SLC22A9: variants seen among roughly 807,000 people sequenced by gnomAD.
SLC22A9 encodes the protein organic anion transporter 7.
In SLC22A9, 64 loss-of-function variants were observed where a neutral mutation model predicts 50.1. The observed-to-expected ratio is 1.28, with a 90% confidence interval of 1.04 to 1.57. The LOEUF (loss-of-function observed/expected upper bound fraction) is 1.57. Ranked by LOEUF, SLC22A9 falls within the 40% of genes most tolerant of loss-of-function variation. The pLI, the probability that SLC22A9 is intolerant of heterozygous loss-of-function variation, is 0.00. For synonymous variants in SLC22A9, 261 were observed against 242.5 expected, an observed-to-expected ratio of 1.08 and a Z score of -0.71; for missense variants, 757 against 676.1, an observed-to-expected ratio of 1.12 and a Z score of -1.33.
intron 5 of SLC22A9, 96 bp downstream of exon 5, chr11:63,375,864 G>T: frequency 6.8e-7 from 1 of 1,475,218 alleles, no homozygotes; most frequent in Non-Finnish European, 9.1e-7. Flanking sequence ...AAAAAGGAAA[G>T]AAACACAGGT....
Position 63,396,218 on chromosome 11 carries a change from A to G in SLC22A9, c.1074-10279A>G, listed in dbSNP as rs144780436. The stretch of plus-strand genomic sequence containing the variant: ...TCGCACTCTCTCCCAAGTTCTGGCC[A>G]GGAGGCTTCACATCCAGTTCAAATT... On this transcript the variant is annotated intron_variant, in intron 6 of 9. Coordinates refer to ENST00000279178, the MANE Select transcript of SLC22A9 (RefSeq NM_080866.3). Among the ~76,000 whole-genome samples, 725 of 152,314 alleles carry G rather than the reference A, an allele frequency of 4.8e-3. 3 individuals are homozygous for G. The highest frequency in any genetic ancestry group is 0.014 in the Middle Eastern group (4 of 294).
rs796979818 is a variant in SLC22A9 at position 63,404,421 on chromosome 11, T to C, written c.1074-2076T>C. Among the ~76,000 whole-genome samples, 4 of 152,204 alleles carry C rather than the reference T, an allele frequency of 2.6e-5. No individual in the cohort carries two copies. In the South Asian group the frequency reaches 8.3e-4, roughly 31 times the overall value. On this transcript the variant is annotated intron_variant, in intron 6 of 9. Transcript: ENST00000279178. ...AACATTATGCTTACAGTAAATACTG[T>C]ACTGTATCTAAAAATTTGTTAAGTA...
chr11:63,407,960 A>G (rs2015068275), intron 7 of SLC22A9, 152 bp from the exon 8 acceptor site: 3 of 562,458 alleles, frequency 5.3e-6, no homozygotes, highest in Admixed American at 3.0e-5. Flanking sequence ...CTCAGCTATC[A>G]GCCACTGCAC....
Position 63,370,093 on chromosome 11 carries a change from C to T in SLC22A9, c.37C>T (p.Leu13=), listed in dbSNP as rs201460670. The T allele has an allele frequency of 6.2e-7, 1 of 1,613,746 alleles. No individual in the cohort carries two copies. The highest frequency in any genetic ancestry group is 1.3e-5 in the African/African-American group (1 of 75,034). Residue 13 remains leucine, a synonymous_variant, in exon 1 of 10, where the codon CTG becomes TTG. Transcript: ENST00000279178. ...FQDLLGHAGD[L]WRFQILQTVF... The stretch of plus-strand genomic sequence containing the variant: ...GGACCTCCTGGGTCACGCTGGTGAC[C>T]TGTGGAGATTCCAGATCCTTCAGAC...
At chr11:63,373,123 C>CTT (rs745704793) in intron 2 of SLC22A9, among the ~76,000 whole-genome samples, 25 of 131,800 alleles carry the variant, frequency 1.9e-4, no homozygotes, top group South Asian at 2.4e-4. Context: ...CTTTTTTTTC[C>CTT]TTTTTTTTTT....
intron 6 of SLC22A9, among the ~76,000 whole-genome samples, chr11:63,401,154 GC>G: frequency 6.6e-6 from 1 of 151,918 alleles, no homozygotes; most frequent in Non-Finnish European, 1.5e-5. Flanking sequence ...CCTACCCAGA[GC>G]AACTAGGCAA....
chr11:63,380,689 C>A (rs771956007), intron 5 of SLC22A9, among the ~76,000 whole-genome samples: 16 of 151,994 alleles, frequency 1.1e-4, no homozygotes, highest in Non-Finnish European at 2.1e-4. Context: ...GACACCAGAG[C>A]CTACTTGGGG....
intron 4 of SLC22A9, among the ~76,000 whole-genome samples, chr11:63,374,764 A>T: frequency 6.6e-6 from 1 of 152,080 alleles, no homozygotes; most frequent in Non-Finnish European, 1.5e-5. Context: ...GAAGTTTGGG[A>T]TTTTTTTTCT....
At chr11:63,406,772 C>T (rs1197362007) in intron 7 of SLC22A9, 61 bp downstream of exon 7, 29 of 1,522,296 alleles carry the variant, frequency 1.9e-5, no homozygotes, top group Non-Finnish European at 2.2e-5. Flanking sequence ...AGGGATTGTA[C>T]TTGTCACACC....
intron 6 of SLC22A9, among the ~76,000 whole-genome samples, chr11:63,401,212 T>C (rs2014947323): frequency 6.6e-6 from 1 of 152,044 alleles, no homozygotes; most frequent in African/African-American, 2.4e-5. Flanking sequence ...GAAATCAAAA[T>C]GTCCTCATTT....
rs543828661 is a variant in SLC22A9, at chr11:63,409,996, C to A, written c.*134C>A. Reference sequence around the variant, plus strand: ...TGGCTCACGCCTGTAATCCCAGCACCTTGGGAGGCTGAGGCGGGCAGATCA... The same window carrying A: ...TGGCTCACGCCTGTAATCCCAGCACATTGGGAGGCTGAGGCGGGCAGATCA... On this transcript the variant is annotated 3_prime_UTR_variant, in exon 10 of 10. Coordinates refer to ENST00000279178, the MANE Select transcript of SLC22A9 (RefSeq NM_080866.3). The A allele has an allele frequency of 3.2e-5, 29 of 900,866 alleles. No individual in the cohort carries two copies. In the South Asian group the frequency reaches 4.2e-4, roughly 13 times the overall value. The allele number at this position is 900,866 out of a possible 1,614,324, so 55.8% of individuals were successfully genotyped here.
chr11:63,407,313 G>T (rs905543197), intron 7 of SLC22A9, among the ~76,000 whole-genome samples: 4 of 152,140 alleles, frequency 2.6e-5, no homozygotes, highest in African/African-American at 9.7e-5. Flanking sequence ...TCTATTTTAA[G>T]AAATTAACTG....
At chr11:63,374,395 T>G (rs2014424386) in intron 4 of SLC22A9, among the ~76,000 whole-genome samples, 1 of 152,186 alleles carries the variant, frequency 6.6e-6, no homozygotes, top group African/African-American at 2.4e-5. Flanking sequence ...GAATAAAACA[T>G]AGGAAGTCCC....
rs138098467 is a variant in SLC22A9, at chr11:63,389,848, T to C, written c.1073+7571T>C. Among the ~76,000 whole-genome samples the C allele has an allele frequency of 9.0e-4, 137 of 152,302 alleles. 3 individuals carry two copies. Among genetic ancestry groups the C allele is most frequent in the African/African-American group, 3.2e-3 (134 of 41,574 alleles). On this transcript the variant is annotated intron_variant, in intron 6 of 9. Transcript: ENST00000279178. ...CCCCATCCTCATCAGCATCTGTTGT[T>C]TCCAGACTTTTTAATGATCACCATT...
chr11:63,395,590 T>C (rs1373067891), intron 6 of SLC22A9, among the ~76,000 whole-genome samples: 1 of 152,168 alleles, frequency 6.6e-6, no homozygotes, highest in Non-Finnish European at 1.5e-5. Context: ...CTCTCGGCCA[T>C]GGATACCAGC....
At position 63,409,875 on chromosome 11, in the gene SLC22A9, G is replaced by A. The variant is rs776932932; in HGVS notation, c.*13G>A. 6 of 1,613,280 alleles carry A rather than the reference G, an allele frequency of 3.7e-6. No individual in the cohort carries two copies. The South Asian group carries it at 5.5e-5, about 15-fold the overall frequency. ...GACGCAGTTTTAAGGAATTCCAGGA[G>A]CTGACTGCCGATCAATGAGCCAGAT... On this transcript the variant is annotated 3_prime_UTR_variant, in exon 10 of 10. Coordinates refer to ENST00000279178, the MANE Select transcript of SLC22A9 (RefSeq NM_080866.3).
chr11:63,389,299 A>T (rs1049975312), intron 6 of SLC22A9, among the ~76,000 whole-genome samples: 15 of 151,656 alleles, frequency 9.9e-5, no homozygotes, highest in African/African-American at 3.6e-4. Context: ...CCCCACATGC[A>T]TTAGGTATTT....
chr11:63,395,775 G>A (rs1348430453), intron 6 of SLC22A9, among the ~76,000 whole-genome samples: 1 of 152,160 alleles, frequency 6.6e-6, no homozygotes, highest in Admixed American at 6.5e-5. Flanking sequence ...GAACTCCCAA[G>A]AATATATGCC....
intron 6 of SLC22A9, among the ~76,000 whole-genome samples, chr11:63,384,162 T>G (rs1206951862): frequency 1.3e-5 from 2 of 151,996 alleles, no homozygotes; most frequent in Admixed American, 6.6e-5. Context: ...TGTGCTGGGG[T>G]GCATGTACAG....
Sources: allele counts gnomAD v4.1 joint callset (sites outside exome capture counted in the v4.1 genomes callset), GRCh38; gene constraint gnomAD v4.1.1; transcripts MANE v1.5; gene names NCBI Gene and HGNC (gene_info 2026-07-23, HGNC 2026-07-21).